The following CHORDC1 variants were observed in gnomAD, a reference collection of about 807,000 sequenced individuals.
CHORDC1 encodes cysteine and histidine rich domain containing 1, also known as cysteine and histidine-rich domain-containing protein 1.
In CHORDC1, 25 loss-of-function variants were observed where a neutral mutation model predicts 48.3. That is an observed-to-expected ratio of 0.52 (90% CI 0.38 to 0.72). The LOEUF (loss-of-function observed/expected upper bound fraction) is 0.72, where lower values mean the gene tolerates loss of function less well. Ranked by LOEUF, CHORDC1 falls within the 30% of genes least tolerant of loss-of-function variation. The probability of loss-of-function intolerance (pLI) is 0.00; values close to 1 mark genes in which losing one functional copy is unlikely to be tolerated. For synonymous variants in CHORDC1, 128 were observed against 126.4 expected, an observed-to-expected ratio of 1.01 and a Z score of -0.09; for missense variants, 317 against 388.7, an observed-to-expected ratio of 0.82 and a Z score of 1.55.
intron 6 of CHORDC1, chr11:90,208,310 AACCCAGCT>A (rs1325065002): frequency 6.6e-6 from 1 of 152,082 alleles, no homozygotes; most frequent in Non-Finnish European, 1.5e-5. Context: ...GGCACCTGTA[AACCCAGCT>A]ACTCAGGAGG....
At chr11:90,206,156 T>C (rs1213369076) in intron 7 of CHORDC1, 46 bp downstream of exon 7, 3 of 1,156,478 alleles carry the variant, frequency 2.6e-6, no homozygotes, top group East Asian at 2.3e-5. Context: ...GGTTTAACTT[T>C]CTAAATTCTA....
At chr11:90,217,989 G>T in intron 2 of CHORDC1, 146 bp downstream of exon 2, 1 of 489,788 alleles carries the variant, frequency 2.0e-6, no homozygotes, top group East Asian at 3.6e-5. Flanking sequence ...TGTCTTTAGT[G>T]GAGTATACGC....
At chr11:90,212,650 A>G (rs945814010) in intron 4 of CHORDC1, 1 of 152,154 alleles carries the variant, frequency 6.6e-6, no homozygotes, top group Non-Finnish European at 1.5e-5. Flanking sequence ...CATAATTGTT[A>G]TAATACCACC....
rs4423144 is a variant in CHORDC1 at position 90,206,607 on chromosome 11, T to C, written c.493-335A>G. 2.1e-3 allele frequency: 746 copies of C among 363,800 alleles called. 2 individuals carry two copies. Among genetic ancestry groups the C allele is most frequent in the African/African-American group, 0.015 (687 of 47,242 alleles). The allele number at this position is 363,800 out of a possible 1,614,324, so 22.5% of individuals were successfully genotyped here. On this transcript the variant is annotated intron_variant, in intron 6 of 10. Coordinates refer to ENST00000320585, the MANE Select transcript of CHORDC1 (RefSeq NM_012124.3). ...AAGGGATTAATACTCTCAATAAAAA[T>C]ACAGTTACTGCATGACTTATGTGTA... is the stretch of plus-strand genomic sequence containing the variant.
chr11:90,209,736 A>G (rs1411264240), intron 6 of CHORDC1, among the ~76,000 whole-genome samples: 1 of 152,202 alleles, frequency 6.6e-6, no homozygotes, highest in Non-Finnish European at 1.5e-5. Context: ...TCACTTCTCA[A>G]CAAACTACTC....
rs534325924 is a variant in CHORDC1 at position 90,214,830 on chromosome 11, G to C, written c.171+344C>G. On this transcript the variant is annotated intron_variant, in intron 3 of 10. Transcript: ENST00000320585. The stretch of plus-strand genomic sequence containing the variant: ...TATAAAGTGGTTTTATATAAAAGTG[G>C]TATGTAAAATATTTCAACAGCATCT... 3.3e-5 allele frequency among the ~76,000 whole-genome samples: 5 copies of C among 151,992 alleles called. No homozygotes were observed. In the South Asian group the frequency reaches 8.3e-4, roughly 25 times the overall value.
Position 90,218,138 on chromosome 11 carries a change from T to C in CHORDC1, c.111A>G (p.Leu37=), listed in dbSNP as rs1425256840. ...HPGVPVFHDA[L]KGWSCCKRRT... ...AAAATGAAAATATAGTTCCTACCTT[T>C]AATGCATCGTGAAAGACCGGAACAC... Residue 37 remains leucine, a synonymous_variant, in exon 2 of 11, where the codon TTA becomes TTG. Transcript: ENST00000320585. 4 of 1,575,688 alleles carry C rather than the reference T, an allele frequency of 2.5e-6. No homozygotes were observed. The South Asian group carries it at 4.7e-5, about 19-fold the overall frequency.
Position 90,201,851 on chromosome 11 carries a change from C to G in CHORDC1, c.*554G>C, listed in dbSNP as rs1857551673. The G allele has an allele frequency of 6.6e-6, 1 of 152,340 alleles. No homozygotes were observed. The highest frequency in any genetic ancestry group is 2.1e-4 in the South Asian group (1 of 4,828). The allele number at this position is 152,340 out of a possible 1,614,324, so 9.4% of individuals were successfully genotyped here. A position where few individuals can be genotyped will look rare whatever the true frequency, so the allele number is the denominator to read the frequency against. ...AAATTCAAGTAGTTGTAAACAAATT[C>G]TAATTTGTTAAACAATTCATATATT... On this transcript the variant is annotated 3_prime_UTR_variant, in exon 11 of 11. Coordinates refer to ENST00000320585, the MANE Select transcript of CHORDC1 (RefSeq NM_012124.3).
At position 90,205,500 on chromosome 11, in the gene CHORDC1, C is replaced by G. The variant is rs781172989; in HGVS notation, c.629G>C (p.Gly210Ala). 4 of 1,606,466 alleles carry G rather than the reference C, an allele frequency of 2.5e-6. No homozygotes were observed. The South Asian group carries it at 4.5e-5, about 18-fold the overall frequency. Reference protein sequence around the residue: ...SDFNTFLAQEGCTKGKHMWTK... With the variant: ...SDFNTFLAQEACTKGKHMWTK... ...CCACATGTGTTTCCCTTTTGTACAGCCCTCTTGGGCTAAGAATGTATTAAA... is the reference window on the plus strand; with the variant it reads ...CCACATGTGTTTCCCTTTTGTACAGGCCTCTTGGGCTAAGAATGTATTAAA... Residue 210 changes from glycine to alanine, a missense_variant, in exon 8 of 11, where the codon GGC becomes GCC. Transcript: ENST00000320585.
intron 1 of CHORDC1, chr11:90,222,388 C>G (rs1858193778): frequency 3.1e-6 from 1 of 325,676 alleles, no homozygotes; most frequent in Non-Finnish European, 5.9e-6. Context: ...TTTGTAACAG[C>G]GGATCGACTG....
intron 6 of CHORDC1, chr11:90,208,685 A>G (rs930031364): frequency 6.6e-6 from 1 of 152,200 alleles, no homozygotes; most frequent in Non-Finnish European, 1.5e-5. Flanking sequence ...ACTGACAGAA[A>G]AACATTTGAG....
intron 2 of CHORDC1, 59 bp from the exon 3 acceptor site, chr11:90,215,289 T>C: frequency 8.9e-7 from 1 of 1,126,076 alleles, no homozygotes; most frequent in Non-Finnish European, 1.3e-6. Context: ...CACGACCCAC[T>C]AAAACACTCT....
At chr11:90,212,811 GGA>G (rs1208623542) in intron 4 of CHORDC1, 1 of 131,362 alleles carries the variant, frequency 7.6e-6, no homozygotes, top group Non-Finnish European at 1.7e-5. Flanking sequence ...TATTTTTTTT[GGA>G]GAGACAGGAT....
intron 6 of CHORDC1, chr11:90,206,999 A>G: frequency 2.9e-6 from 1 of 339,756 alleles, no homozygotes; most frequent in Non-Finnish European, 5.7e-6. Flanking sequence ...CATAAAACTC[A>G]GTATGTTAGC....
chr11:90,211,343 CCATT>C lies in CHORDC1; in HGVS notation c.330-29_330-26del, dbSNP rs1857854824. 2.1e-6 allele frequency: 3 copies of C among 1,413,402 alleles called. No individual in the cohort carries two copies. In the East Asian group the frequency reaches 6.9e-5, roughly 32 times the overall value. The allele number at this position is 1,413,402 out of a possible 1,614,324, so 87.6% of individuals were successfully genotyped here. A position where few individuals can be genotyped will look rare whatever the true frequency, so the allele number is the denominator to read the frequency against. ...GCTGGAGAATTTTGAAACCTTATTA[CCATT>C]ATTAATATACCAAAATATTTCTTTG... On this transcript the variant is annotated intron_variant, in intron 4 of 10. Transcript: ENST00000320585.
At chr11:90,215,366 A>AT in intron 2 of CHORDC1, 136 bp from the exon 3 acceptor site, 1 of 473,310 alleles carries the variant, frequency 2.1e-6, no homozygotes, top group East Asian at 3.4e-5. Flanking sequence ...AGTGTTGCAT[A>AT]TAATTCACCT....
intron 4 of CHORDC1, chr11:90,212,231 C>T (rs1256317356): frequency 1.3e-5 from 2 of 152,138 alleles, no homozygotes; most frequent in Non-Finnish European, 1.5e-5. Context: ...TGGGAGGTAA[C>T]TGGATCATGG....
rs778839751 is a variant in CHORDC1 at position 90,210,574 on chromosome 11, TA to T, written c.453del (p.Lys152ArgfsTer18). 6.3e-7 allele frequency: 1 copy of T among 1,589,458 alleles called. No homozygotes were observed. Among genetic ancestry groups the T allele is most frequent in the East Asian group, 2.2e-5 (1 of 44,614 alleles). On this transcript the variant is annotated frameshift_variant, in exon 6 of 11. Coordinates refer to ENST00000320585, the MANE Select transcript of CHORDC1 (RefSeq NM_012124.3). LOFTEE classifies it high-confidence loss of function. The stretch of plus-strand genomic sequence containing the variant: ...CCATTCTTACATGAGGTCCCAATCT[TA>T]ATTTCATCATTGTCTTCTTCTGTAA... ...ENKKEEDNDE[I>X]KIGTSCKNGG...
At chr11:90,210,205 C>CGA (rs1489164944) in intron 6 of CHORDC1, among the ~76,000 whole-genome samples, 3 of 152,228 alleles carry the variant, frequency 2.0e-5, no homozygotes, top group African/African-American at 7.2e-5. Context: ...ATCTAACTAC[C>CGA]TATTTGTTGC....
Sources: gnomAD v4.1 joint callset for allele counts (sites outside exome capture counted in the v4.1 genomes callset) on GRCh38, gnomAD v4.1.1 for gene constraint, MANE v1.5 for transcripts, NCBI Gene and HGNC (gene_info 2026-07-23, HGNC 2026-07-21) for gene names.